LTBP1: variants seen among roughly 807,000 people sequenced by gnomAD.
The protein encoded by LTBP1 is latent transforming growth factor beta binding protein 1, also known as latent-transforming growth factor beta-binding protein 1.
In LTBP1, 129 loss-of-function variants were observed where a neutral mutation model predicts 207.6. The observed-to-expected ratio is 0.62, with a 90% CI of 0.54 to 0.72. The LOEUF (loss-of-function observed/expected upper bound fraction) is 0.72, where lower values mean the gene tolerates loss of function less well. Ranked by LOEUF, LTBP1 falls within the 30% of genes least tolerant of loss-of-function variation. LTBP1 has a pLI of 0.00. For missense variants in LTBP1, 2,281 were observed against 2,217.2 expected (o/e 1.03, Z -0.58); for synonymous variants, 963 against 833.7 (o/e 1.16, Z -2.67).
intron 2 of LTBP1, among the ~76,000 whole-genome samples, chr2:32,976,792 A>G (rs1360580862): frequency 6.6e-6 from 1 of 152,120 alleles, no homozygotes; most frequent in African/African-American, 2.4e-5. Flanking sequence ...CAGCCTGTGA[A>G]CCCAGGCATC....
At chr2:33,301,321 A>G (rs181788174) in intron 21 of LTBP1, among the ~76,000 whole-genome samples, 1 of 152,352 alleles carries the variant, frequency 6.6e-6, no homozygotes, top group Non-Finnish European at 1.5e-5. Flanking sequence ...TAAATAAACA[A>G]TATCCACGTC....
intron 4 of LTBP1, among the ~76,000 whole-genome samples, chr2:33,128,372 G>A (rs1009709130): frequency 1.3e-4 from 20 of 152,218 alleles, no homozygotes; most frequent in African/African-American, 2.9e-4. Context: ...GATTGCATGC[G>A]TAGTAGAGAT....
At chr2:33,390,590 C>A (rs149885317) in intron 32 of LTBP1, among the ~76,000 whole-genome samples, 1,852 of 151,980 alleles carry the variant, frequency 0.012, 38 homozygotes, top group African/African-American at 0.041. Context: ...TGGGCTCAAG[C>A]GATCCTCCCA....
intron 5 of LTBP1, among the ~76,000 whole-genome samples, chr2:33,163,817 A>G (rs1257237966): frequency 6.6e-6 from 1 of 152,182 alleles, no homozygotes; most frequent in East Asian, 1.9e-4. Context: ...GTTAATAAAG[A>G]TTTGATAATT....
intron 2 of LTBP1, among the ~76,000 whole-genome samples, chr2:32,980,907 T>G (rs1199418315): frequency 6.6e-6 from 1 of 152,232 alleles, no homozygotes; most frequent in Non-Finnish European, 1.5e-5. Flanking sequence ...TGACACTCTC[T>G]CCTGGCCTGT....
At chr2:33,328,090 A>G (rs13389157) in intron 24 of LTBP1, among the ~76,000 whole-genome samples, 85,514 of 150,540 alleles carry the variant, frequency 0.57, 25,562 homozygotes, top group African/African-American at 0.76. Context: ...AGCCGAGATC[A>G]CGCCACTGCA....
intron 24 of LTBP1, among the ~76,000 whole-genome samples, chr2:33,324,258 ATTG>A (rs2094396377): frequency 7.9e-6 from 1 of 126,686 alleles, no homozygotes; most frequent in African/African-American, 3.3e-5. Context: ...GTTACAGTAT[ATTG>A]TTATAATTGT....
At chr2:33,015,339 G>A (rs995156548) in intron 2 of LTBP1, among the ~76,000 whole-genome samples, 6 of 152,330 alleles carry the variant, frequency 3.9e-5, no homozygotes, top group Middle Eastern at 3.4e-3. Flanking sequence ...GTCTGCAAGT[G>A]TAGATGTTAC....
At chr2:33,151,678 A>G (rs1331048082) in intron 5 of LTBP1, among the ~76,000 whole-genome samples, 2 of 152,040 alleles carry the variant, frequency 1.3e-5, no homozygotes, top group Non-Finnish European at 2.9e-5. Flanking sequence ...GTGTCCTCAT[A>G]GCTTAGCTCC....
chr2:33,314,947 A>G lies in LTBP1; in HGVS notation c.3605-197A>G, dbSNP rs554100216. The stretch of plus-strand genomic sequence containing the variant: ...GGTCAAAAATGATTGTACATTGGCT[A>G]TTTCCTAACTCAACCTAAATAGTTT... On this transcript the variant is annotated intron_variant, in intron 23 of 33. Transcript: ENST00000404816. Among the ~76,000 whole-genome samples the G allele has an allele frequency of 9.1e-4, 139 of 152,312 alleles. 2 individuals carry two copies. Among genetic ancestry groups the G allele is most frequent in the Middle Eastern group, 3.4e-3 (1 of 294 alleles).
At chr2:33,265,228 CCCAGT>C (rs2093141926) in intron 15 of LTBP1, among the ~76,000 whole-genome samples, 1 of 152,184 alleles carries the variant, frequency 6.6e-6, no homozygotes, top group Admixed American at 6.5e-5. Flanking sequence ...CATCCCTTAG[CCCAGT>C]CCAGTTGACT....
intron 15 of LTBP1, among the ~76,000 whole-genome samples, chr2:33,271,645 A>G (rs2093324172): frequency 6.6e-6 from 1 of 152,176 alleles, no homozygotes; most frequent in Non-Finnish European, 1.5e-5. Flanking sequence ...AAATTTTAAA[A>G]AGTACCAAAA....
intron 3 of LTBP1, among the ~76,000 whole-genome samples, chr2:33,027,672 A>C (rs2075488522): frequency 6.6e-6 from 1 of 151,616 alleles, no homozygotes; most frequent in South Asian, 2.1e-4. Context: ...CTTCTCTACT[A>C]AAAAAAATAC....
At chr2:33,331,280 GTCTTTATTTC>G (rs2094491470) in intron 24 of LTBP1, among the ~76,000 whole-genome samples, 1 of 151,064 alleles carries the variant, frequency 6.6e-6, no homozygotes, top group Admixed American at 6.6e-5. Flanking sequence ...GGTTTAAATT[GTCTTTATTTC>G]TAACTACTTG....
chr2:33,082,802 T>C (rs996009142), intron 3 of LTBP1, among the ~76,000 whole-genome samples: 3 of 152,194 alleles, frequency 2.0e-5, no homozygotes, highest in Non-Finnish European at 2.9e-5. Flanking sequence ...CTCTTTATTC[T>C]TCTTTTGAGG....
intron 24 of LTBP1, among the ~76,000 whole-genome samples, chr2:33,334,092 G>A (rs2094527394): frequency 6.6e-6 from 1 of 152,194 alleles, no homozygotes; most frequent in South Asian, 2.1e-4. Flanking sequence ...TTTACAAAAT[G>A]GTGACCTTAT....
At chr2:33,388,590 T>C (rs1297369224) in intron 31 of LTBP1, among the ~76,000 whole-genome samples, 1 of 152,186 alleles carries the variant, frequency 6.6e-6, no homozygotes, top group Non-Finnish European at 1.5e-5. Context: ...CTGGTAGCTG[T>C]TGTTATTACC....
chr2:33,025,876 G>A (rs1019418539), intron 3 of LTBP1, among the ~76,000 whole-genome samples: 1 of 152,054 alleles, frequency 6.6e-6, no homozygotes, highest in Non-Finnish European at 1.5e-5. Context: ...CTGTAATAAA[G>A]AGTAATAAAA....
At chr2:33,350,664 C>T (rs2094768994) in intron 26 of LTBP1, among the ~76,000 whole-genome samples, 1 of 152,154 alleles carries the variant, frequency 6.6e-6, no homozygotes, top group African/African-American at 2.4e-5. Context: ...CATTGCTGTG[C>T]ATTGCCTAAA....
Sources: allele counts gnomAD v4.1 joint callset (sites outside exome capture counted in the v4.1 genomes callset), GRCh38; gene constraint gnomAD v4.1.1; transcripts MANE v1.5; gene names NCBI Gene and HGNC (gene_info 2026-07-23, HGNC 2026-07-21).